PAPSS2: variants seen among roughly 807,000 people sequenced by gnomAD.
PAPSS2 encodes 3'-phosphoadenosine 5'-phosphosulfate synthase 2.
In PAPSS2, 61 loss-of-function variants were observed where a neutral mutation model predicts 66.5. That is an observed-to-expected ratio of 0.92 (90% CI 0.75 to 1.14). PAPSS2 has a LOEUF of 1.14. PAPSS2 is among the 50% of genes most tolerant of loss of function. The probability of loss-of-function intolerance (pLI) is 0.00; values close to 1 mark genes in which losing one functional copy is unlikely to be tolerated. For missense variants in PAPSS2, 708 were observed against 789.6 expected (o/e 0.90, Z 1.24); for synonymous variants, 289 against 287.5 (o/e 1.01, Z -0.05).
At chr10:87,741,814 TG>T (rs1405583995) in intron 10 of PAPSS2, among the ~76,000 whole-genome samples, 1 of 152,226 alleles carries the variant, frequency 6.6e-6, no homozygotes, top group Non-Finnish European at 1.5e-5. Context: ...TGGAGTGCAG[TG>T]GCATGACCAT....
intron 1 of PAPSS2, among the ~76,000 whole-genome samples, chr10:87,696,366 T>A (rs1015024221): frequency 1.3e-5 from 2 of 152,142 alleles, no homozygotes; most frequent in Non-Finnish European, 2.9e-5. Flanking sequence ...AGGCTATGTA[T>A]GTTATAATAG....
At chr10:87,687,475 T>G (rs931042550) in intron 1 of PAPSS2, among the ~76,000 whole-genome samples, 1 of 152,220 alleles carries the variant, frequency 6.6e-6, no homozygotes, top group Non-Finnish European at 1.5e-5. Context: ...CAAAAAGTGA[T>G]GCAGAAAGAC....
At chr10:87,663,567 C>A (rs193056715) in intron 1 of PAPSS2, among the ~76,000 whole-genome samples, 7 of 152,282 alleles carry the variant, frequency 4.6e-5, no homozygotes, top group Admixed American at 3.3e-4. Flanking sequence ...CAGGAAACAG[C>A]TTTGTCTTCA....
intron 1 of PAPSS2, chr10:87,660,907 G>A: frequency 2.2e-6 from 1 of 452,230 alleles, no homozygotes; most frequent in Non-Finnish European, 4.4e-6. Flanking sequence ...CGTCAGATGT[G>A]GTCAGCAAGC....
chr10:87,698,659 C>T (rs576480542), intron 1 of PAPSS2, among the ~76,000 whole-genome samples: 52 of 152,270 alleles, frequency 3.4e-4, no homozygotes, highest in African/African-American at 1.2e-3. Context: ...CTATTGTTGG[C>T]TCCCTTTATT....
Position 87,687,013 on chromosome 10 carries a change from G to A in PAPSS2, c.28-22183G>A, listed in dbSNP as rs1853097789. Reference sequence around the variant, plus strand: ...AGAAATACTTTTTTGATATAAGTATGTCTCAAATATTGCATGGGGCATCCT... The same window carrying A: ...AGAAATACTTTTTTGATATAAGTATATCTCAAATATTGCATGGGGCATCCT... On this transcript the variant is annotated intron_variant, in intron 1 of 12. Coordinates refer to ENST00000456849, the MANE Select transcript of PAPSS2 (RefSeq NM_001015880.2). Among the ~76,000 whole-genome samples, 3 of 152,284 alleles carry A rather than the reference G, an allele frequency of 2.0e-5. No homozygotes were observed. In the South Asian group the frequency reaches 6.2e-4, roughly 32 times the overall value.
intron 1 of PAPSS2, among the ~76,000 whole-genome samples, chr10:87,697,215 T>C (rs1281343097): frequency 6.6e-6 from 1 of 152,082 alleles, no homozygotes; most frequent in Admixed American, 6.5e-5. Flanking sequence ...GTGATTAGAA[T>C]AGGCAAAAAA....
chr10:87,714,332 A>G (rs1853505351), intron 4 of PAPSS2, 150 bp downstream of exon 4: 1 of 812,402 alleles, frequency 1.2e-6, no homozygotes, highest in African/African-American at 1.7e-5. Flanking sequence ...TGATATATTC[A>G]GTATGCCCAG....
At chr10:87,668,837 C>T (rs1260617542) in intron 1 of PAPSS2, among the ~76,000 whole-genome samples, 3 of 152,184 alleles carry the variant, frequency 2.0e-5, no homozygotes, top group Non-Finnish European at 4.4e-5. Context: ...GATACTTCCA[C>T]TAAGCTAGAA....
At chr10:87,707,723 C>T (rs1019521257) in intron 1 of PAPSS2, among the ~76,000 whole-genome samples, 5 of 151,886 alleles carry the variant, frequency 3.3e-5, no homozygotes, top group South Asian at 4.2e-4. Flanking sequence ...GCATATGCCA[C>T]CATGCCTGGC....
chr10:87,670,830 A>G (rs1161308794), intron 1 of PAPSS2, among the ~76,000 whole-genome samples: 2 of 152,208 alleles, frequency 1.3e-5, no homozygotes. Context: ...GTCATCAAAA[A>G]TACCCAGTTT....
chr10:87,735,506 T>A (rs977465649), intron 9 of PAPSS2, among the ~76,000 whole-genome samples: 1 of 152,178 alleles, frequency 6.6e-6, no homozygotes. Flanking sequence ...CTCTAAGCAA[T>A]GAGGAGAAAG....
chr10:87,687,953 C>T (rs989672468), intron 1 of PAPSS2, among the ~76,000 whole-genome samples: 3 of 152,116 alleles, frequency 2.0e-5, no homozygotes, highest in African/African-American at 7.2e-5. Context: ...TGCTATTGGA[C>T]AATGCCACCT....
rs10553485 is a variant in PAPSS2, at chr10:87,736,263, CTTTTTTTTTT to C, written c.1087-4959_1087-4950del. On this transcript the variant is annotated intron_variant, in intron 9 of 12. Transcript: ENST00000456849. Reference sequence around the variant, plus strand: ...TGCCATGTTTTTCTTTTCTTTCTTTCTTTTTTTTTTTTTTTTTTTTTTGAGACAGAGTCTT... The same window carrying C: ...TGCCATGTTTTTCTTTTCTTTCTTTCTTTTTTTTTTTTGAGACAGAGTCTT... Among the ~76,000 whole-genome samples, 5 of 103,228 alleles carry C rather than the reference CTTTTTTTTTT, an allele frequency of 4.8e-5. No homozygotes were observed. The South Asian group carries it at 9.6e-4, about 20-fold the overall frequency. The allele number at this position is 103,228 out of a possible 152,430, so 67.7% of individuals were successfully genotyped here.
intron 1 of PAPSS2, among the ~76,000 whole-genome samples, chr10:87,704,905 G>A (rs1335564229): frequency 1.3e-5 from 2 of 152,190 alleles, no homozygotes; most frequent in African/African-American, 4.8e-5. Context: ...GCTTCTCAAA[G>A]TGCTGGGATT....
intron 1 of PAPSS2, among the ~76,000 whole-genome samples, chr10:87,700,442 A>T (rs1019981856): frequency 1.4e-4 from 22 of 152,340 alleles, no homozygotes; most frequent in African/African-American, 4.1e-4. Flanking sequence ...GAATCACTTG[A>T]GTCTAGGAGT....
intron 1 of PAPSS2, among the ~76,000 whole-genome samples, chr10:87,667,432 CAG>C (rs917811240): frequency 1.8e-4 from 27 of 152,112 alleles, no homozygotes; most frequent in African/African-American, 6.5e-4. Flanking sequence ...GCCTGGGTGA[CAG>C]AGTGAGACCC....
intron 9 of PAPSS2, among the ~76,000 whole-genome samples, 164 bp downstream of exon 9, chr10:87,727,653 G>C (rs1377189787): frequency 3.0e-4 from 45 of 152,230 alleles, no homozygotes; most frequent in Admixed American, 2.9e-3. Flanking sequence ...GATGTTTTTA[G>C]AAAGGTGCAA....
At chr10:87,672,571 A>G (rs941110212) in intron 1 of PAPSS2, among the ~76,000 whole-genome samples, 1 of 152,198 alleles carries the variant, frequency 6.6e-6, no homozygotes, top group African/African-American at 2.4e-5. Context: ...TTAAACATAG[A>G]AATTCTGAAG....
Sources: gnomAD v4.1 joint callset for allele counts (sites outside exome capture counted in the v4.1 genomes callset) on GRCh38, gnomAD v4.1.1 for gene constraint, MANE v1.5 for transcripts, NCBI Gene and HGNC (gene_info 2026-07-23, HGNC 2026-07-21) for gene names.